Variants in MYOF observed in about 807,000 individuals in gnomAD.
MYOF encodes fer-1-like 3, myoferlin.
Under a neutral mutation model 284.2 loss-of-function variants are expected in MYOF, and 244 were observed. The observed-to-expected ratio is 0.86, with a 90% CI of 0.77 to 0.95. The LOEUF is 0.95. MYOF is among the 40% of genes least tolerant of loss of function. The pLI is 0.00. For missense variants in MYOF, 2,496 were observed against 2,560.6 expected (o/e 0.97, Z 0.54); for synonymous variants, 904 against 919.7 (o/e 0.98, Z 0.31).
At chr10:93,390,492 C>G (rs1369703066) in intron 17 of MYOF, among the ~76,000 whole-genome samples, 1 of 152,196 alleles carries the variant, frequency 6.6e-6, no homozygotes, top group Non-Finnish European at 1.5e-5. Context: ...TTGGAAATCT[C>G]TTATGAAACA....
At chr10:93,452,189 A>T in intron 2 of MYOF, 48 bp from the exon 3 acceptor site, 1 of 1,299,332 alleles carries the variant, frequency 7.7e-7, no homozygotes, top group Non-Finnish European at 1.1e-6. Context: ...AGGCTGTTAG[A>T]AGGAGCAGAG....
At chr10:93,454,199 A>G (rs934596660) in intron 2 of MYOF, among the ~76,000 whole-genome samples, 1 of 152,138 alleles carries the variant, frequency 6.6e-6, no homozygotes, top group Admixed American at 6.5e-5. Flanking sequence ...AAAAAGAAAA[A>G]AAAGAACACA....
At chr10:93,473,636 T>G (rs871427) in intron 1 of MYOF, among the ~76,000 whole-genome samples, 26,287 of 152,192 alleles carry the variant, frequency 0.17, 2,602 homozygotes, top group East Asian at 0.5. Context: ...TTCTGGCTCT[T>G]GTGAGGTCTG....
chr10:93,354,666 A>ACTCACTCTCTCTCTCTCTCTCTCT (rs1554844080), intron 31 of MYOF, among the ~76,000 whole-genome samples: 4 of 119,314 alleles, frequency 3.4e-5, no homozygotes, highest in South Asian at 5.7e-4. Context: ...TCACACATTC[A>ACTCACTCTCTCTCTCTCTCTCTCT]CTCTCTCTCT....
At chr10:93,367,433 G>T (rs1845378055) in intron 25 of MYOF, among the ~76,000 whole-genome samples, 1 of 152,188 alleles carries the variant, frequency 6.6e-6, no homozygotes, top group Non-Finnish European at 1.5e-5. Context: ...TTTGAGTGGG[G>T]GCCTGATTAG....
chr10:93,372,787 C>T (rs1845648926), intron 24 of MYOF, 143 bp downstream of exon 24: 1 of 962,958 alleles, frequency 1.0e-6, no homozygotes, highest in Non-Finnish European at 1.5e-6. Context: ...ATTATTGCCC[C>T]AGAGAGAGGG....
chr10:93,402,419 A>G, intron 10 of MYOF, 72 bp from the exon 11 acceptor site: 2 of 1,227,398 alleles, frequency 1.6e-6, no homozygotes, highest in African/African-American at 1.5e-5. Context: ...TTCCTCTGCC[A>G]TAAGATAAGC....
Position 93,399,417 on chromosome 10 carries a change from A to G in MYOF, c.1196T>C (p.Val399Ala). The G allele has an allele frequency of 3.7e-6, 6 of 1,613,586 alleles. No homozygotes were observed. Among genetic ancestry groups the G allele is most frequent in the Non-Finnish European group, 4.2e-6 (5 of 1,179,664 alleles). Residue 399 changes from valine (V) to alanine (A), a missense_variant, in exon 13 of 54, where the codon GTA becomes GCA. Around this residue, in one of 3 missense-constraint regions of MYOF, gnomAD observed 2,436 missense variants for 2,480.7 expected, o/e 0.98. Coordinates refer to ENST00000359263, the MANE Select transcript of MYOF (RefSeq NM_013451.4). ...CTTTTTTCCAGCAAAGGAAACTTCT[A>G]CAAAAGGATCCACGAGATTTTTCTT... is the stretch of plus-strand genomic sequence containing the variant. ...ADKKNLVDPFVEVSFAGKKVC... is the reference protein window; with the variant it reads ...ADKKNLVDPFAEVSFAGKKVC...
At chr10:93,445,611 C>T (rs1367388317) in intron 3 of MYOF, among the ~76,000 whole-genome samples, 1 of 152,228 alleles carries the variant, frequency 6.6e-6, no homozygotes, top group East Asian at 1.9e-4. Context: ...AGGCAACCCG[C>T]TCCCAGTGCC....
chr10:93,350,453 C>T (rs1844454347), intron 35 of MYOF, among the ~76,000 whole-genome samples: 1 of 152,136 alleles, frequency 6.6e-6, no homozygotes, highest in South Asian at 2.1e-4. Context: ...GCTGGGATTA[C>T]AGGTGTGTGC....
intron 7 of MYOF, among the ~76,000 whole-genome samples, chr10:93,406,803 C>T (rs1021496483): frequency 4.6e-5 from 7 of 151,626 alleles, no homozygotes; most frequent in African/African-American, 7.3e-5. Context: ...GAAATAGAAA[C>T]GCGGCATAGA....
At chr10:93,400,329 C>T (rs10786094) in intron 12 of MYOF, among the ~76,000 whole-genome samples, 37,853 of 98,374 alleles carry the variant, frequency 0.38, 6,310 homozygotes, top group East Asian at 0.74. Context: ...TCTTCTTCTT[C>T]TTTTTTTTTT....
intron 6 of MYOF, 125 bp from the exon 7 acceptor site, chr10:93,409,040 G>A (rs1847771047): frequency 2.1e-6 from 3 of 1,422,198 alleles, no homozygotes; most frequent in Non-Finnish European, 2.9e-6. Flanking sequence ...GCAGCTTTGT[G>A]CTATACCAGG....
At chr10:93,371,911 C>T (rs1222715215) in intron 24 of MYOF, among the ~76,000 whole-genome samples, 1 of 152,182 alleles carries the variant, frequency 6.6e-6, no homozygotes, top group East Asian at 1.9e-4. Context: ...GCCTTTGTCT[C>T]CTCTCCCACC....
chr10:93,406,288 TTA>T (rs3980375), intron 7 of MYOF, among the ~76,000 whole-genome samples: 2,722 of 58,124 alleles, frequency 0.047, 219 homozygotes, highest in East Asian at 0.11. Flanking sequence ...TAAACCTCTT[TTA>T]TATATATATA....
At position 93,306,909 on chromosome 10, in the gene MYOF, G is replaced by C. The variant is rs775104386; in HGVS notation, c.*54C>G. On this transcript the variant is annotated 3_prime_UTR_variant, in exon 54 of 54. Transcript: ENST00000359263. The stretch of plus-strand genomic sequence containing the variant: ...AAATCACACTGGATGTTGGTCTACA[G>C]AGGCAGGATTCTCTCATTGCTGGAT... The C allele has an allele frequency of 1.8e-5, 28 of 1,570,416 alleles. No individual in the cohort carries two copies. The South Asian group carries it at 2.7e-4, about 15-fold the overall frequency.
rs1846098396 is a variant in MYOF, at chr10:93,381,253, T to C, written c.1842A>G (p.Ala614=). ...NKFDTTCKPL[A]STTQYSRAVF... The stretch of plus-strand genomic sequence containing the variant: ...CAGCACGGCTGTACTGAGTTGTTGA[T>C]GCCAAAGGCTTACAGGTGGTGTCAA... The change falls in exon 20 of 54, where the codon GCA becomes GCG. Residue 614 remains alanine, a synonymous_variant. Coordinates refer to ENST00000359263, the MANE Select transcript of MYOF (RefSeq NM_013451.4). 1 of 1,614,112 alleles carries C rather than the reference T, an allele frequency of 6.2e-7. No individual in the cohort carries two copies. Among genetic ancestry groups the C allele is most frequent in the East Asian group, 2.2e-5 (1 of 44,892 alleles).
At chr10:93,448,205 C>G (rs997854676) in intron 3 of MYOF, among the ~76,000 whole-genome samples, 6 of 151,532 alleles carry the variant, frequency 4.0e-5, no homozygotes, top group Non-Finnish European at 8.8e-5. Context: ...TTCCCCCCTA[C>G]TCCCTAACCC....
intron 48 of MYOF, among the ~76,000 whole-genome samples, chr10:93,322,653 C>A (rs1031954796): frequency 9.2e-5 from 14 of 152,156 alleles, no homozygotes; most frequent in African/African-American, 3.1e-4. Flanking sequence ...TTCCTCTTTT[C>A]CATAGACATG....
Sources: allele counts gnomAD v4.1 joint callset (sites outside exome capture counted in the v4.1 genomes callset), GRCh38; gene constraint gnomAD v4.1.1; regional missense constraint gnomAD v4.1.1; transcripts MANE v1.5; gene names NCBI Gene and HGNC (gene_info 2026-07-23, HGNC 2026-07-21).